The following SLC24A2 variants were observed in gnomAD, a reference collection of about 807,000 sequenced individuals.
The protein encoded by SLC24A2 is sodium/potassium/calcium exchanger 2.
Under a neutral mutation model 62.0 loss-of-function variants are expected in SLC24A2, and 36 were observed. That is an observed-to-expected ratio of 0.58 (90% CI 0.44 to 0.77). SLC24A2 has a LOEUF of 0.77. Among genes scored for constraint, SLC24A2 ranks in the 30% least tolerant of loss-of-function variants. The pLI is 0.00. For missense variants in SLC24A2, 846 were observed against 817.9 expected, an observed-to-expected ratio of 1.03 and a Z score of -0.42; for synonymous variants, 358 against 294.0, an observed-to-expected ratio of 1.22 and a Z score of -2.23.
At chr9:19,565,471 CA>C (rs1295756650) in intron 7 of SLC24A2, among the ~76,000 whole-genome samples, 2 of 150,986 alleles carry the variant, frequency 1.3e-5, no homozygotes, top group African/African-American at 4.9e-5. Flanking sequence ...AAAGAGGATA[CA>C]AACAAATGGA....
At chr9:19,663,917 C>G (rs1465906235) in intron 2 of SLC24A2, among the ~76,000 whole-genome samples, 1 of 152,216 alleles carries the variant, frequency 6.6e-6, no homozygotes, top group Non-Finnish European at 1.5e-5. Context: ...GATTTCCCTT[C>G]CAATATCCTG....
chr9:19,966,564 T>C, the SLC24A2 span, among the ~76,000 whole-genome samples: 1 of 152,204 alleles, frequency 6.6e-6, no homozygotes, highest in Non-Finnish European at 1.5e-5. Context: ...CACTTAAATA[T>C]TCTTGTCCTT....
At chr9:19,945,589 G>A in the SLC24A2 span, among the ~76,000 whole-genome samples, 2 of 152,164 alleles carry the variant, frequency 1.3e-5, no homozygotes, top group Admixed American at 6.5e-5. Flanking sequence ...GGCATGCTTA[G>A]TAAATGCCAG....
chr9:20,121,011 T>C, the SLC24A2 span, among the ~76,000 whole-genome samples: 2 of 151,026 alleles, frequency 1.3e-5, no homozygotes, highest in South Asian at 2.1e-4. Context: ...AGTATACGTG[T>C]TTAATTACTG....
intron 7 of SLC24A2, among the ~76,000 whole-genome samples, chr9:19,568,860 C>G (rs536812978): frequency 6.6e-6 from 1 of 152,128 alleles, no homozygotes; most frequent in African/African-American, 2.4e-5. Flanking sequence ...AGTTTCCTAC[C>G]GCCCCAGCCC....
In SLC24A2 at chr9:19,599,024, A is replaced by G. The variant is rs1303809189; in HGVS notation, c.1079-1745T>C. Reference sequence around the variant, plus strand: ...GTTGGATGTAAACTATATTCTACACAGTGACAATACACCATTGCATTTTTA... The same window carrying G: ...GTTGGATGTAAACTATATTCTACACGGTGACAATACACCATTGCATTTTTA... On this transcript the variant is annotated intron_variant, in intron 4 of 10. Transcript: ENST00000341998. This position sits in a 1 kb window ranked among gnomAD's most constrained non-coding sequence, Gnocchi z 4.5. Among the ~76,000 whole-genome samples, 1 of 152,206 alleles carries G rather than the reference A, an allele frequency of 6.6e-6. No individual in the cohort carries two copies. The highest frequency in any genetic ancestry group is 2.4e-5 in the African/African-American group (1 of 41,456).
the SLC24A2 span, among the ~76,000 whole-genome samples, chr9:19,883,464 T>C: frequency 2.0e-5 from 3 of 152,184 alleles, no homozygotes; most frequent in African/African-American, 7.2e-5. Context: ...ATTTCACAAG[T>C]AAAGAATCTA....
intron 2 of SLC24A2, among the ~76,000 whole-genome samples, chr9:19,714,968 A>G (rs576217923): frequency 2.6e-4 from 39 of 152,228 alleles, no homozygotes; most frequent in African/African-American, 9.1e-4. Context: ...AATGATACAA[A>G]GTAATCCAAG....
At chr9:19,655,024 A>G (rs1213543384) in intron 2 of SLC24A2, among the ~76,000 whole-genome samples, 1 of 152,244 alleles carries the variant, frequency 6.6e-6, no homozygotes, top group South Asian at 2.1e-4. Flanking sequence ...CCTGTGACTC[A>G]TATTAGTTTC....
At chr9:20,234,765 G>A in the SLC24A2 span, among the ~76,000 whole-genome samples, 4 of 152,178 alleles carry the variant, frequency 2.6e-5, no homozygotes, top group East Asian at 5.8e-4. Context: ...TCTGTTGCTG[G>A]TGGGGAGCTG....
the SLC24A2 span, among the ~76,000 whole-genome samples, chr9:20,144,783 G>A: frequency 4.6e-5 from 7 of 151,928 alleles, no homozygotes; most frequent in Non-Finnish European, 1.0e-4. Flanking sequence ...CTCGTTCGGT[G>A]CTATATTCTG....
At chr9:20,084,566 C>G in the SLC24A2 span, among the ~76,000 whole-genome samples, 1 of 145,772 alleles carries the variant, frequency 6.9e-6, no homozygotes, top group South Asian at 2.5e-4. Context: ...TCACCATATC[C>G]CACCACCTCA....
At chr9:19,533,938 C>CA (rs1833828469) in intron 8 of SLC24A2, among the ~76,000 whole-genome samples, 1 of 152,150 alleles carries the variant, frequency 6.6e-6, no homozygotes, top group African/African-American at 2.4e-5. Context: ...TCTTCCAAAC[C>CA]AATATGCTTT....
intron 10 of SLC24A2, among the ~76,000 whole-genome samples, chr9:19,516,670 T>A (rs1319692030): frequency 3.3e-5 from 5 of 152,154 alleles, no homozygotes; most frequent in Non-Finnish European, 7.4e-5. Flanking sequence ...TGTGGGTGAT[T>A]TCTACATTTG....
At chr9:19,916,805 T>C in the SLC24A2 span, among the ~76,000 whole-genome samples, 8 of 151,890 alleles carry the variant, frequency 5.3e-5, no homozygotes, top group African/African-American at 1.4e-4. Flanking sequence ...AACTTGCTTA[T>C]ATGTCTTTTT....
chr9:20,097,414 A>G, the SLC24A2 span, among the ~76,000 whole-genome samples: 1 of 152,222 alleles, frequency 6.6e-6, no homozygotes, highest in Non-Finnish European at 1.5e-5. Context: ...CAGTATTGAT[A>G]TGAGTCTTTC....
At chr9:20,275,668 T>A in the SLC24A2 span, among the ~76,000 whole-genome samples, 1 of 152,228 alleles carries the variant, frequency 6.6e-6, no homozygotes, top group Non-Finnish European at 1.5e-5. Flanking sequence ...GTGACTGACA[T>A]CTTTGAAATT....
At chr9:19,587,445 C>G (rs1836408187) in intron 5 of SLC24A2, among the ~76,000 whole-genome samples, 1 of 151,998 alleles carries the variant, frequency 6.6e-6, no homozygotes, top group African/African-American at 2.4e-5. Context: ...AATTTTAGTC[C>G]TCAACTTTAC....
the SLC24A2 span, among the ~76,000 whole-genome samples, chr9:19,868,258 G>A: frequency 6.6e-6 from 1 of 151,664 alleles, no homozygotes; most frequent in Non-Finnish European, 1.5e-5. Flanking sequence ...TTTATTCTTT[G>A]ATCTATTAGA....
Sources: allele counts gnomAD v4.1 joint callset (sites outside exome capture counted in the v4.1 genomes callset), GRCh38; gene constraint gnomAD v4.1.1; non-coding constraint Gnocchi (gnomAD v3.1); transcripts MANE v1.5; gene names NCBI Gene and HGNC (gene_info 2026-07-23, HGNC 2026-07-21).